Variants in AGBL4 observed in about 807,000 individuals in gnomAD.
The protein encoded by AGBL4 is AGBL carboxypeptidase 4.
Under a neutral mutation model 66.4 loss-of-function variants are expected in AGBL4, and 58 were observed. That is an observed-to-expected ratio of 0.87 (90% CI 0.71 to 1.09). The LOEUF (loss-of-function observed/expected upper bound fraction) is 1.09, where lower values mean the gene tolerates loss of function less well. Among genes scored for constraint, AGBL4 ranks in the 50% least tolerant of loss-of-function variants. The probability of loss-of-function intolerance (pLI) is 0.00; values close to 1 mark genes in which losing one functional copy is unlikely to be tolerated. For missense variants in AGBL4, 579 were observed against 631.0 expected (o/e 0.92, Z 0.88); for synonymous variants, 234 against 222.9 (o/e 1.05, Z -0.44).
chr1:49,251,438 C>G (rs913277809), intron 3 of AGBL4, among the ~76,000 whole-genome samples: 4 of 152,162 alleles, frequency 2.6e-5, no homozygotes, highest in African/African-American at 9.7e-5. Context: ...GCCAGTGCCC[C>G]ACCCTTGCAG....
intron 3 of AGBL4, among the ~76,000 whole-genome samples, chr1:49,578,414 A>T (rs933366575): frequency 1.3e-5 from 2 of 152,194 alleles, no homozygotes; most frequent in African/African-American, 4.8e-5. Flanking sequence ...CAGGAAAAAA[A>T]ACCATGACCT....
At chr1:48,724,574 CTA>C (rs1414101148) in intron 6 of AGBL4, among the ~76,000 whole-genome samples, 1 of 152,174 alleles carries the variant, frequency 6.6e-6, no homozygotes, top group East Asian at 1.9e-4. Context: ...ACAAACCTAA[CTA>C]TGTGCTATAA....
At position 49,494,479 on chromosome 1, in the gene AGBL4, G is replaced by GTGTTCT. The variant is rs1481874024; in HGVS notation, c.282+202828_282+202833dup. Among the ~76,000 whole-genome samples, 23 of 151,790 alleles carry GTGTTCT rather than the reference G, an allele frequency of 1.5e-4. 1 individual carries two copies. The highest frequency in any genetic ancestry group is 1.5e-3 in the Admixed American group (23 of 15,246). On this transcript the variant is annotated intron_variant, in intron 3 of 13. Coordinates refer to ENST00000371839, the MANE Select transcript of AGBL4 (RefSeq NM_032785.4). The stretch of plus-strand genomic sequence containing the variant: ...GTGATGTTCCCCTTCCTATGTCCAT[G>GTGTTCT]TGTTCTCATTGTTCAATTCCCACCT...
intron 3 of AGBL4, among the ~76,000 whole-genome samples, chr1:49,277,965 A>C (rs1176971034): frequency 6.6e-6 from 1 of 152,112 alleles, no homozygotes; most frequent in African/African-American, 2.4e-5. Context: ...CTAAGTACTT[A>C]TTATATCCCA....
At chr1:49,713,565 T>G (rs146390543) in intron 2 of AGBL4, among the ~76,000 whole-genome samples, 1 of 152,038 alleles carries the variant, frequency 6.6e-6, no homozygotes, top group Non-Finnish European at 1.5e-5. Flanking sequence ...TCAGTAGCTT[T>G]TATGTATTAA....
At chr1:48,921,430 G>A (rs769918198) in intron 5 of AGBL4, among the ~76,000 whole-genome samples, 18 of 152,162 alleles carry the variant, frequency 1.2e-4, no homozygotes, top group Non-Finnish European at 2.5e-4. Flanking sequence ...ACAATAAAGC[G>A]ATACGGTAGG....
intron 6 of AGBL4, among the ~76,000 whole-genome samples, chr1:48,739,546 G>A (rs1016176364): frequency 2.0e-5 from 3 of 152,158 alleles, no homozygotes; most frequent in South Asian, 2.1e-4. Flanking sequence ...AAGAGGATGG[G>A]TGCTGGAGCT....
intron 6 of AGBL4, among the ~76,000 whole-genome samples, chr1:48,853,686 C>T (rs1203646782): frequency 6.6e-6 from 1 of 152,176 alleles, no homozygotes; most frequent in Non-Finnish European, 1.5e-5. Context: ...AAATCAATTA[C>T]AATGACAAAA....
At chr1:49,657,093 T>C (rs1159112817) in intron 3 of AGBL4, among the ~76,000 whole-genome samples, 2 of 152,192 alleles carry the variant, frequency 1.3e-5, no homozygotes, top group African/African-American at 4.8e-5. Context: ...GACATGATTG[T>C]ATATCTAGAA....
chr1:48,604,212 G>T lies in AGBL4; in HGVS notation c.952-13227C>A, dbSNP rs540105052. Among the ~76,000 whole-genome samples the T allele has an allele frequency of 2.6e-5, 4 of 152,184 alleles. No homozygotes were observed. The South Asian group carries it at 6.2e-4, about 24-fold the overall frequency. The stretch of plus-strand genomic sequence containing the variant: ...GATGTGAAGAAGCATCCAAACATGA[G>T]ACCCACTACAAAGCAAGATTGACAG... On this transcript the variant is annotated intron_variant, in intron 9 of 13. Coordinates refer to ENST00000371839, the MANE Select transcript of AGBL4 (RefSeq NM_032785.4).
intron 5 of AGBL4, among the ~76,000 whole-genome samples, chr1:49,005,370 A>G (rs1239126542): frequency 6.6e-6 from 1 of 152,194 alleles, no homozygotes; most frequent in Non-Finnish European, 1.5e-5. Context: ...TGGGCTGTTA[A>G]ATAACATGGT....
intron 4 of AGBL4, among the ~76,000 whole-genome samples, chr1:49,051,677 T>G (rs1442461548): frequency 6.6e-6 from 1 of 152,260 alleles, no homozygotes; most frequent in East Asian, 1.9e-4. Flanking sequence ...GGACCTTGGA[T>G]GGATACCCAT....
In AGBL4 at chr1:48,865,805, A is replaced by G. The variant is rs1648005186; in HGVS notation, c.634+1386T>C. 2.0e-5 allele frequency among the ~76,000 whole-genome samples: 3 copies of G among 152,144 alleles called. No individual in the cohort carries two copies. The South Asian group carries it at 6.2e-4, about 32-fold the overall frequency. The stretch of plus-strand genomic sequence containing the variant: ...TGGAAGCAGGCAATATGGACAGTGT[A>G]TTGTGGAGTAGAACAGGATGCAATT... On this transcript the variant is annotated intron_variant, in intron 6 of 13. Transcript: ENST00000371839.
At chr1:49,850,093 T>C (rs992446248) in intron 2 of AGBL4, among the ~76,000 whole-genome samples, 3 of 152,224 alleles carry the variant, frequency 2.0e-5, no homozygotes, top group African/African-American at 7.2e-5. Flanking sequence ...GACTGAATCA[T>C]GTCCTCTCAA....
chr1:49,176,716 C>T (rs1350818489), intron 4 of AGBL4, among the ~76,000 whole-genome samples: 1 of 151,984 alleles, frequency 6.6e-6, no homozygotes, highest in Non-Finnish European at 1.5e-5. Context: ...AATTTTAATA[C>T]CCTATATAAA....
intron 1 of AGBL4, among the ~76,000 whole-genome samples, chr1:49,929,156 G>T (rs1229181428): frequency 6.6e-6 from 1 of 151,994 alleles, no homozygotes; most frequent in Non-Finnish European, 1.5e-5. Context: ...TAGACACTGG[G>T]GAATACAAGA....
chr1:49,249,680 A>G (rs1023886041), intron 3 of AGBL4, among the ~76,000 whole-genome samples: 1 of 152,204 alleles, frequency 6.6e-6, no homozygotes, highest in Non-Finnish European at 1.5e-5. Context: ...AAAATACTAA[A>G]AAGAGAACTG....
chr1:48,920,004 A>G (rs1031031221), intron 5 of AGBL4, among the ~76,000 whole-genome samples: 5 of 152,190 alleles, frequency 3.3e-5, no homozygotes, highest in Non-Finnish European at 5.9e-5. Flanking sequence ...TAGAAAAAGG[A>G]TGGGGTATGG....
intron 3 of AGBL4, among the ~76,000 whole-genome samples, chr1:49,266,601 A>T (rs1165451465): frequency 8.2e-6 from 1 of 121,930 alleles, no homozygotes; most frequent in East Asian, 2.0e-4. Flanking sequence ...GAGGAAAATA[A>T]ACCTGTAACA....
Sources: allele counts gnomAD v4.1 joint callset (sites outside exome capture counted in the v4.1 genomes callset), GRCh38; gene constraint gnomAD v4.1.1; transcripts MANE v1.5; gene names NCBI Gene and HGNC (gene_info 2026-07-23, HGNC 2026-07-21).